Variants in PSEN1 observed in about 807,000 individuals in gnomAD.
The protein encoded by PSEN1 is presenilin 1, also known as presenilin-1.
In PSEN1, 15 loss-of-function variants were observed where a neutral mutation model predicts 53.5. The ratio of observed to expected loss-of-function variants is 0.28; its 90% CI spans 0.19 to 0.43. PSEN1 has a LOEUF of 0.43. Among genes scored for constraint, PSEN1 ranks in the 20% least tolerant of loss-of-function variants. PSEN1 has a pLI of 1.00. For synonymous variants in PSEN1, 208 were observed against 209.8 expected, an observed-to-expected ratio of 0.99 and a Z score of 0.08; for missense variants, 387 against 571.2, an observed-to-expected ratio of 0.68 and a Z score of 3.29.
At chr14:73,158,632 T>C (rs1474547676) in intron 3 of PSEN1, among the ~76,000 whole-genome samples, 1 of 152,190 alleles carries the variant, frequency 6.6e-6, no homozygotes, top group African/African-American at 2.4e-5. Context: ...AGTTTTTATT[T>C]ATATTTTTTA....
In PSEN1 at chr14:73,219,477, A is replaced by G; in HGVS notation, c.*188A>G. 1 of 643,966 alleles carries G rather than the reference A, an allele frequency of 1.6e-6. No homozygotes were observed. The highest frequency in any genetic ancestry group is 2.8e-6 in the Non-Finnish European group (1 of 363,534). 39.9% of individuals were successfully genotyped at this position (643,966 alleles called of 1,614,324 possible). On this transcript the variant is annotated 3_prime_UTR_variant, in exon 12 of 12. Coordinates refer to ENST00000324501, the MANE Select transcript of PSEN1 (RefSeq NM_000021.4). ...ACTTTGGAAGGAGGTGCCTATAGAA[A>G]ACGATTTTGAACATACTTCATCGCA...
At chr14:73,181,439 A>AAATC (rs879457505) in intron 5 of PSEN1, among the ~76,000 whole-genome samples, 3 of 152,194 alleles carry the variant, frequency 2.0e-5, no homozygotes, top group Non-Finnish European at 4.4e-5. Flanking sequence ...CTCCATCTCA[A>AAATC]AATCAATCAA....
chr14:73,157,659 T>C (rs1477687599), intron 3 of PSEN1, among the ~76,000 whole-genome samples: 2 of 152,018 alleles, frequency 1.3e-5, no homozygotes, highest in East Asian at 1.9e-4. Context: ...CAGGCAACCA[T>C]GTTTTGTCAC....
At chr14:73,183,839 G>A (rs1486734510) in intron 5 of PSEN1, among the ~76,000 whole-genome samples, 4 of 151,062 alleles carry the variant, frequency 2.6e-5, no homozygotes, top group Non-Finnish European at 4.4e-5. Flanking sequence ...GGTGGTGGCC[G>A]GGCAGAGGGG....
intron 1 of PSEN1, chr14:73,146,079 C>G (rs1438158008): frequency 6.6e-6 from 1 of 151,928 alleles, no homozygotes; most frequent in Non-Finnish European, 1.5e-5. Context: ...ACATTGCAGC[C>G]TGGGTGACAG....
At chr14:73,199,573 G>A (rs548176898) in intron 8 of PSEN1, among the ~76,000 whole-genome samples, 7 of 152,250 alleles carry the variant, frequency 4.6e-5, no homozygotes, top group African/African-American at 1.4e-4. Flanking sequence ...CTTACAGAGT[G>A]CATCCATGAA....
At chr14:73,194,765 TCAC>T (rs1898872732) in intron 7 of PSEN1, among the ~76,000 whole-genome samples, 1 of 151,512 alleles carries the variant, frequency 6.6e-6, no homozygotes, top group East Asian at 2.0e-4. Flanking sequence ...AGACGGGGTT[TCAC>T]CATGTTAGCC....
At chr14:73,204,028 C>T (rs930883864) in intron 8 of PSEN1, among the ~76,000 whole-genome samples, 9 of 152,042 alleles carry the variant, frequency 5.9e-5, no homozygotes, top group Non-Finnish European at 2.9e-5. Context: ...GACAGAGTTT[C>T]GCTCTCATTG....
intron 3 of PSEN1, 39 bp downstream of exon 3, chr14:73,148,145 G>T: frequency 2.7e-6 from 4 of 1,489,890 alleles, no homozygotes; most frequent in Non-Finnish European, 2.8e-6. Context: ...TGCCAGACTG[G>T]ATTCACTTAT....
At chr14:73,199,022 G>T (rs1899070197) in intron 8 of PSEN1, among the ~76,000 whole-genome samples, 1 of 152,114 alleles carries the variant, frequency 6.6e-6, no homozygotes, top group African/African-American at 2.4e-5. Flanking sequence ...CGATCCTCCT[G>T]CCTTGACTTC....
rs1000714795 is a variant in PSEN1, at chr14:73,223,249, G to C, written c.*3960G>C. The C allele has an allele frequency of 1.3e-5, 2 of 152,262 alleles. No homozygotes were observed. Among genetic ancestry groups the C allele is most frequent in the Non-Finnish European group, 2.9e-5 (2 of 68,050 alleles). The allele number at this position is 152,262 out of a possible 1,614,324, so 9.4% of individuals were successfully genotyped here. A position where few individuals can be genotyped will look rare whatever the true frequency, so the allele number is the denominator to read the frequency against. On this transcript the variant is annotated 3_prime_UTR_variant, in exon 12 of 12. Transcript: ENST00000324501. ...ATGAACCCCTTTCTTGAACATCAAA[G>C]CTGTCTCCCACAGCCTTGGGCAGCA...
intron 3 of PSEN1, among the ~76,000 whole-genome samples, chr14:73,153,234 C>CA (rs1282031182): frequency 6.6e-6 from 1 of 152,028 alleles, no homozygotes; most frequent in Admixed American, 6.6e-5. Flanking sequence ...TGGAGTAAGG[C>CA]AAAAAAGAAC....
chr14:73,204,549 A>G (rs1043474517), intron 8 of PSEN1, among the ~76,000 whole-genome samples: 12 of 151,588 alleles, frequency 7.9e-5, no homozygotes, highest in African/African-American at 2.9e-4. Flanking sequence ...AAAAAGAACA[A>G]GGAAGAATAT....
intron 9 of PSEN1, among the ~76,000 whole-genome samples, chr14:73,209,243 G>C (rs1030741510): frequency 6.6e-6 from 1 of 152,184 alleles, no homozygotes; most frequent in Admixed American, 6.5e-5. Context: ...GCTCCTGCCA[G>C]CTCACAGAGC....
intron 5 of PSEN1, among the ~76,000 whole-genome samples, chr14:73,179,486 G>A (rs1428141855): frequency 2.0e-5 from 3 of 152,124 alleles, no homozygotes; most frequent in Admixed American, 6.5e-5. Flanking sequence ...GCATGGTGGT[G>A]GGCACCTGTA....
chr14:73,169,160 C>T (rs537844381), intron 3 of PSEN1: 1 of 152,346 alleles, frequency 6.6e-6, no homozygotes, highest in East Asian at 1.9e-4. Flanking sequence ...CTTTTTAGCT[C>T]TCATCCTGCC....
intron 1 of PSEN1, among the ~76,000 whole-genome samples, chr14:73,137,908 TC>T (rs1403905713): frequency 2.0e-5 from 3 of 151,834 alleles, no homozygotes; most frequent in African/African-American, 7.3e-5. Flanking sequence ...AAACCCCGGC[TC>T]TACAAAAAAT....
chr14:73,204,183 A>C (rs1007265149), intron 8 of PSEN1, among the ~76,000 whole-genome samples: 1 of 151,990 alleles, frequency 6.6e-6, no homozygotes, highest in East Asian at 1.9e-4. Context: ...TTTTTAGTAG[A>C]GACAGGGTTT....
chr14:73,170,724 A>ATCCCAGGT, intron 3 of PSEN1, 73 bp from the exon 4 acceptor site: 1 of 1,532,142 alleles, frequency 6.5e-7, no homozygotes. Flanking sequence ...TCTGTTGTTA[A>ATCCCAGGT]TCCCAGGTCT....
Sources: allele counts gnomAD v4.1 joint callset (sites outside exome capture counted in the v4.1 genomes callset), GRCh38; gene constraint gnomAD v4.1.1; transcripts MANE v1.5; gene names NCBI Gene and HGNC (gene_info 2026-07-23, HGNC 2026-07-21).